The following LRBA variants were observed in gnomAD, a reference collection of about 807,000 sequenced individuals.
LRBA encodes the protein lipopolysaccharide-responsive and beige-like anchor protein.
Under a neutral mutation model 330.0 loss-of-function variants are expected in LRBA, and 176 were observed. That is an observed-to-expected ratio of 0.53 (90% CI 0.47 to 0.60). The LOEUF (loss-of-function observed/expected upper bound fraction) is 0.60, where lower values mean the gene tolerates loss of function less well. Among genes scored for constraint, LRBA ranks in the 20% least tolerant of loss-of-function variants. The pLI, the probability that LRBA is intolerant of heterozygous loss-of-function variation, is 0.00. For synonymous variants in LRBA, 1,230 were observed against 1,193.0 expected (o/e 1.03, Z -0.64); for missense variants, 3,259 against 3,444.8 (o/e 0.95, Z 1.35).
At chr4:151,005,354 C>T (rs1743890503) in intron 2 of LRBA, among the ~76,000 whole-genome samples, 1 of 147,652 alleles carries the variant, frequency 6.8e-6, no homozygotes, top group African/African-American at 2.6e-5. Flanking sequence ...AGGAGAATCC[C>T]TTGAACCCGG....
chr4:150,991,075 A>G (rs1579425684), intron 2 of LRBA, among the ~76,000 whole-genome samples: 1 of 151,540 alleles, frequency 6.6e-6, no homozygotes, highest in African/African-American at 2.4e-5. Flanking sequence ...AAAAAAGAAG[A>G]CGAAGAAGAA....
chr4:150,501,397 A>G (rs1347341920), intron 40 of LRBA, among the ~76,000 whole-genome samples: 3 of 152,260 alleles, frequency 2.0e-5, no homozygotes, highest in Admixed American at 2.0e-4. Flanking sequence ...GAATCACTTG[A>G]GCTCAGGAGT....
chr4:150,450,749 C>T (rs981591355), intron 44 of LRBA, among the ~76,000 whole-genome samples: 1 of 152,008 alleles, frequency 6.6e-6, no homozygotes, highest in African/African-American at 2.4e-5. Context: ...ACTAACAGAA[C>T]TTTGGTGAGG....
chr4:150,717,661 A>AAATAATAATAGTAATAAT (rs1728393969), intron 36 of LRBA, among the ~76,000 whole-genome samples: 1 of 28,246 alleles, frequency 3.5e-5, no homozygotes, highest in Non-Finnish European at 1.4e-4. Flanking sequence ...CTCTGTCTCA[A>AAATAATAATAGTAATAAT]AATAACAATA....
intron 2 of LRBA, among the ~76,000 whole-genome samples, chr4:151,009,796 C>T (rs926363088): frequency 6.6e-6 from 1 of 151,556 alleles, no homozygotes; most frequent in Non-Finnish European, 1.5e-5. Context: ...CTGGCTAACA[C>T]GGTTAAACCC....
chr4:150,595,252 G>T (rs1004590290), intron 38 of LRBA, among the ~76,000 whole-genome samples: 1 of 151,682 alleles, frequency 6.6e-6, no homozygotes, highest in Non-Finnish European at 1.5e-5. Flanking sequence ...AAACTACAAA[G>T]GATAATTAGG....
chr4:150,670,766 A>G (rs1293155125), intron 37 of LRBA, among the ~76,000 whole-genome samples: 2 of 152,148 alleles, frequency 1.3e-5, no homozygotes, highest in South Asian at 2.1e-4. Context: ...TTTCATTCCA[A>G]TCAATCACCA....
Position 150,727,151 on chromosome 4 carries a change from G to A in LRBA, c.5754+8107C>T, listed in dbSNP as rs188470438. Among the ~76,000 whole-genome samples, 78 of 122,680 alleles carry A rather than the reference G, an allele frequency of 6.4e-4. No homozygotes were observed. The East Asian group carries it at 0.019, about 29-fold the overall frequency. 80.5% of individuals were successfully genotyped at this position (122,680 alleles called of 152,430 possible). ...GCAGTGGCATGATTCTCAGCTCACC[G>A]CAACCTCCATCTTCCACGTTCAAGC... On this transcript the variant is annotated intron_variant, in intron 36 of 56. Transcript: ENST00000651943.
intron 28 of LRBA, among the ~76,000 whole-genome samples, chr4:150,841,418 T>C (rs558752918): frequency 1.7e-4 from 26 of 152,310 alleles, no homozygotes; most frequent in South Asian, 4.1e-4. Context: ...ATTTATTGAA[T>C]ACTTACCGTA....
intron 36 of LRBA, among the ~76,000 whole-genome samples, chr4:150,702,685 C>G (rs1282065447): frequency 1.3e-5 from 2 of 152,132 alleles, no homozygotes. Flanking sequence ...CTATCATACA[C>G]TACAGACTGC....
chr4:150,865,266 A>T (rs1752521962), intron 22 of LRBA, among the ~76,000 whole-genome samples: 1 of 152,252 alleles, frequency 6.6e-6, no homozygotes, highest in South Asian at 2.1e-4. Flanking sequence ...GCATCAGCAC[A>T]AACTAAAGTT....
intron 4 of LRBA, among the ~76,000 whole-genome samples, chr4:150,924,931 C>T (rs1733722811): frequency 6.6e-6 from 1 of 152,000 alleles, no homozygotes; most frequent in African/African-American, 2.4e-5. Flanking sequence ...GCCTGTAATC[C>T]TAGCACTCTG....
intron 17 of LRBA, among the ~76,000 whole-genome samples, chr4:150,873,841 C>T (rs1397552615): frequency 3.3e-5 from 5 of 152,046 alleles, no homozygotes; most frequent in African/African-American, 4.8e-5. Flanking sequence ...TCTTCAACCT[C>T]TAGTGATCAA....
At chr4:150,737,713 CA>C (rs768759086) in intron 35 of LRBA, among the ~76,000 whole-genome samples, 1 of 152,070 alleles carries the variant, frequency 6.6e-6, no homozygotes, top group African/African-American at 2.4e-5. Context: ...TAGCTTTCAT[CA>C]ATCCCTTCCC....
intron 40 of LRBA, among the ~76,000 whole-genome samples, chr4:150,571,625 TA>T (rs1769848385): frequency 6.7e-6 from 1 of 150,012 alleles, no homozygotes; most frequent in Non-Finnish European, 1.5e-5. Context: ...ATACCTTTAG[TA>T]TGCATTAACC....
At chr4:150,397,905 C>T (rs540461593) in intron 47 of LRBA, among the ~76,000 whole-genome samples, 30 of 152,234 alleles carry the variant, frequency 2.0e-4, no homozygotes, top group Admixed American at 3.3e-4. Flanking sequence ...AAGTGTTCAA[C>T]GCACGACAGC....
intron 2 of LRBA, among the ~76,000 whole-genome samples, chr4:150,948,358 CA>C (rs901442149): frequency 8.6e-5 from 13 of 151,798 alleles, no homozygotes; most frequent in African/African-American, 2.4e-4. Context: ...AACAAAAGTA[CA>C]AAAAGCAATT....
chr4:150,305,679 G>A (rs1269666577), intron 52 of LRBA, among the ~76,000 whole-genome samples: 1 of 152,214 alleles, frequency 6.6e-6, no homozygotes, highest in Non-Finnish European at 1.5e-5. Context: ...AGATCTAAAT[G>A]AGAGAGTGAC....
chr4:150,288,182 G>A (rs1425549719), intron 53 of LRBA, among the ~76,000 whole-genome samples: 2 of 151,540 alleles, frequency 1.3e-5, no homozygotes, highest in Admixed American at 6.6e-5. Context: ...TAGTAGAGAC[G>A]GGGTTTCACC....
Sources: gnomAD v4.1 joint callset for allele counts (sites outside exome capture counted in the v4.1 genomes callset) on GRCh38, gnomAD v4.1.1 for gene constraint, MANE v1.5 for transcripts, NCBI Gene and HGNC (gene_info 2026-07-23, HGNC 2026-07-21) for gene names.